Variants in RNLS observed in about 807,000 individuals in gnomAD.
RNLS encodes the protein renalase.
RNLS carries 39 observed loss-of-function variants against 39.8 expected under a neutral mutation model. The observed-to-expected ratio is 0.98, with a 90% CI of 0.76 to 1.28. The LOEUF (loss-of-function observed/expected upper bound fraction) is 1.28. RNLS is among the 50% of genes most tolerant of loss of function. The pLI is 0.00. For missense variants in RNLS, 410 were observed against 413.3 expected, an observed-to-expected ratio of 0.99 and a Z score of 0.07; for synonymous variants, 147 against 150.7, an observed-to-expected ratio of 0.98 and a Z score of 0.18.
the RNLS span, among the ~76,000 whole-genome samples, chr10:88,205,269 G>C: frequency 6.6e-6 from 1 of 152,102 alleles, no homozygotes; most frequent in Non-Finnish European, 1.5e-5. Flanking sequence ...GCCTTTCTCT[G>C]TGGTGGGTGA....
At chr10:88,467,855 G>A (rs1381397850) in intron 4 of RNLS, among the ~76,000 whole-genome samples, 2 of 152,134 alleles carry the variant, frequency 1.3e-5, no homozygotes, top group Non-Finnish European at 2.9e-5. Context: ...TATTAGAAAG[G>A]TAGAATCTCA....
intron 6 of RNLS, among the ~76,000 whole-genome samples, chr10:88,313,723 A>G (rs1455770087): frequency 1.5e-4 from 23 of 152,250 alleles, no homozygotes; most frequent in Non-Finnish European, 8.8e-5. Flanking sequence ...ATCCCAGGAA[A>G]AAAATGGACA....
At chr10:88,389,552 GGA>G (rs1852072201) in intron 4 of RNLS, among the ~76,000 whole-genome samples, 1 of 11,854 alleles carries the variant, frequency 8.4e-5, no homozygotes, top group African/African-American at 5.3e-4. Flanking sequence ...TCGGTTTTAG[GGA>G]TTTCTTAACT....
At chr10:88,352,676 C>G (rs1325034247) in intron 5 of RNLS, among the ~76,000 whole-genome samples, 1 of 152,140 alleles carries the variant, frequency 6.6e-6, no homozygotes, top group East Asian at 1.9e-4. Flanking sequence ...TTTGTTGTGT[C>G]TCTGCCAGGC....
intron 4 of RNLS, among the ~76,000 whole-genome samples, chr10:88,459,295 T>G (rs1306559180): frequency 6.6e-6 from 1 of 152,056 alleles, no homozygotes. Flanking sequence ...AGAGGCATGT[T>G]TTTTGATGGA....
intron 4 of RNLS, among the ~76,000 whole-genome samples, chr10:88,491,392 G>A (rs948385125): frequency 6.6e-6 from 1 of 152,118 alleles, no homozygotes. Flanking sequence ...GTAGTGGACA[G>A]GCTTATGGTA....
intron 5 of RNLS, among the ~76,000 whole-genome samples, chr10:88,320,934 C>G (rs999062747): frequency 6.7e-6 from 1 of 150,144 alleles, no homozygotes; most frequent in Non-Finnish European, 1.5e-5. Context: ...TTAAATTGGA[C>G]TCTTGACCAA....
Position 88,314,504 on chromosome 10 carries a change from G to C in RNLS, c.838C>G (p.Pro280Ala), listed in dbSNP as rs776735066. The part of the protein sequence containing the change: ...LENILPGLPQ[P>A]IATKCQKWRH... ...CATTTTTGGCATTTGGTAGCAATTG[G>C]CTGAGGCAAACCCGGCAAAATGTTT... The change falls in exon 6 of 7, where the codon CCA becomes GCA. Residue 280 changes from proline to alanine, a missense_variant. By Grantham distance (27) the Pro-to-Ala change is conservative. Transcript: ENST00000331772. 3.1e-6 allele frequency: 5 copies of C among 1,613,794 alleles called. No individual in the cohort carries two copies. The highest frequency in any genetic ancestry group is 2.7e-5 in the African/African-American group (2 of 74,890).
chr10:88,445,084 C>CACAAAGGGAAGCCCA (rs1841957513), intron 4 of RNLS, among the ~76,000 whole-genome samples: 1 of 152,066 alleles, frequency 6.6e-6, no homozygotes, highest in Non-Finnish European at 1.5e-5. Context: ...TTGGGTTACC[C>CACAAAGGGAAGCCCA]ACAAAGGGAA....
chr10:88,554,486 T>C (rs932762833), intron 4 of RNLS, among the ~76,000 whole-genome samples: 1 of 152,020 alleles, frequency 6.6e-6, no homozygotes, highest in South Asian at 2.1e-4. Flanking sequence ...TCCTACTATA[T>C]TCTACTCAAT....
chr10:88,195,487 C>G, the RNLS span, among the ~76,000 whole-genome samples: 2 of 152,262 alleles, frequency 1.3e-5, no homozygotes, highest in African/African-American at 4.8e-5. Flanking sequence ...AGATCTGTAA[C>G]TACTTGCTGA....
chr10:88,200,026 G>A, the RNLS span, among the ~76,000 whole-genome samples: 1 of 152,136 alleles, frequency 6.6e-6, no homozygotes, highest in Non-Finnish European at 1.5e-5. Context: ...CTACCCAGGA[G>A]GCTGAGGTGG....
At chr10:88,235,728 A>G in the RNLS span, among the ~76,000 whole-genome samples, 4 of 152,210 alleles carry the variant, frequency 2.6e-5, no homozygotes, top group East Asian at 7.7e-4. Context: ...AAAATGACTA[A>G]TATGGACAAA....
chr10:88,328,041 G>A (rs956315880), intron 5 of RNLS, among the ~76,000 whole-genome samples: 2 of 151,982 alleles, frequency 1.3e-5, no homozygotes, highest in African/African-American at 4.8e-5. Flanking sequence ...CTGAGTGGCT[G>A]AGACTACAGG....
chr10:88,568,709 T>C (rs1261397740), intron 4 of RNLS, among the ~76,000 whole-genome samples: 1 of 152,142 alleles, frequency 6.6e-6, no homozygotes, highest in Non-Finnish European at 1.5e-5. Context: ...GGAAAAGAGA[T>C]ACAAATTGTT....
At chr10:88,299,311 C>T (rs528928538) in intron 6 of RNLS, among the ~76,000 whole-genome samples, 14 of 152,160 alleles carry the variant, frequency 9.2e-5, no homozygotes, top group African/African-American at 2.4e-4. Flanking sequence ...GTATGGTTTG[C>T]GCTTTTCTGT....
At position 88,330,567 on chromosome 10, in the gene RNLS, C is replaced by T. The variant is rs117516419; in HGVS notation, c.701-15926G>A. Among the ~76,000 whole-genome samples, 610 of 151,916 alleles carry T rather than the reference C, an allele frequency of 4.0e-3. 3 individuals are homozygous for T. Among genetic ancestry groups the T allele is most frequent in the South Asian group, 0.029 (138 of 4,786 alleles). ...GTAACACCAATAGTATTTAACATTG[C>T]TCTGGTTGGTACAATAAGATAAAAA... On this transcript the variant is annotated intron_variant, in intron 5 of 6. Coordinates refer to ENST00000331772, the MANE Select transcript of RNLS (RefSeq NM_001031709.3).
At chr10:88,382,763 T>G (rs1005613065) in intron 4 of RNLS, among the ~76,000 whole-genome samples, 3 of 152,072 alleles carry the variant, frequency 2.0e-5, no homozygotes, top group Non-Finnish European at 2.9e-5. Flanking sequence ...ACCACTCAGT[T>G]ATTATTTATT....
At chr10:88,489,838 T>C (rs749768672) in intron 4 of RNLS, among the ~76,000 whole-genome samples, 5 of 152,204 alleles carry the variant, frequency 3.3e-5, no homozygotes, top group Non-Finnish European at 5.9e-5. Context: ...GCATTCAGGC[T>C]GTAATTTTTT....
Sources: allele counts gnomAD v4.1 joint callset (sites outside exome capture counted in the v4.1 genomes callset), GRCh38; gene constraint gnomAD v4.1.1; transcripts MANE v1.5; gene names NCBI Gene and HGNC (gene_info 2026-07-23, HGNC 2026-07-21).